ROBO2: variants seen among roughly 807,000 people sequenced by gnomAD.
ROBO2 encodes roundabout guidance receptor 2.
A neutral mutation model predicts 160.8 loss-of-function variants in ROBO2; 53 were observed. The ratio of observed to expected loss-of-function variants is 0.33; its 90% CI spans 0.26 to 0.41. ROBO2 has a LOEUF of 0.41. ROBO2 is among the 10% of genes least tolerant of loss of function. The probability of loss-of-function intolerance (pLI) is 1.00; values close to 1 mark genes in which losing one functional copy is unlikely to be tolerated. For synonymous variants in ROBO2, 664 were observed against 611.7 expected (o/e 1.09, Z -1.26); for missense variants, 1,577 against 1,722.4 (o/e 0.92, Z 1.49).
chr3:76,979,593 GGTGTGT>G (rs149940820), intron 2 of ROBO2, among the ~76,000 whole-genome samples: 5 of 147,732 alleles, frequency 3.4e-5, no homozygotes, highest in Admixed American at 6.8e-5. Flanking sequence ...GTGTGTGTGT[GGTGTGT>G]GTGTGTGTGT....
At chr3:77,286,162 G>C (rs1340349826) in intron 2 of ROBO2, among the ~76,000 whole-genome samples, 1 of 151,328 alleles carries the variant, frequency 6.6e-6, no homozygotes, top group East Asian at 2.0e-4. Context: ...TTCCATAAGT[G>C]AATCATGTAT....
intron 2 of ROBO2, among the ~76,000 whole-genome samples, chr3:76,137,943 A>G (rs1345195902): frequency 2.0e-5 from 3 of 152,018 alleles, no homozygotes; most frequent in Non-Finnish European, 4.4e-5. Flanking sequence ...ATCTCAAGTC[A>G]GTATTCTTAA....
chr3:76,626,715 C>T (rs71315351), intron 2 of ROBO2, among the ~76,000 whole-genome samples: 2,911 of 151,120 alleles, frequency 0.019, 45 homozygotes, highest in Non-Finnish European at 0.031. Context: ...TCTTTTGAGA[C>T]GGAGTCTCAC....
At chr3:77,531,319 A>C (rs536999707) in intron 6 of ROBO2, among the ~76,000 whole-genome samples, 1 of 152,174 alleles carries the variant, frequency 6.6e-6, no homozygotes, top group Non-Finnish European at 1.5e-5. Context: ...TAAGAAGTAC[A>C]CATGCTTTTT....
intron 2 of ROBO2, among the ~76,000 whole-genome samples, chr3:76,322,189 TATATATATATATATA>T (rs1454300807): frequency 1.1e-5 from 1 of 91,820 alleles, no homozygotes; most frequent in Non-Finnish European, 2.7e-5. Flanking sequence ...TATATATATA[TATATATATATATATA>T]ATATACACAC....
chr3:75,998,733 G>A (rs1352920278), intron 2 of ROBO2, among the ~76,000 whole-genome samples: 1 of 152,140 alleles, frequency 6.6e-6, no homozygotes, highest in Non-Finnish European at 1.5e-5. Flanking sequence ...AAATTCTAGT[G>A]GCTATTATAG....
At chr3:76,383,892 G>A (rs1434154803) in intron 2 of ROBO2, among the ~76,000 whole-genome samples, 1 of 152,200 alleles carries the variant, frequency 6.6e-6, no homozygotes, top group Non-Finnish European at 1.5e-5. Flanking sequence ...ATGCGTCAGG[G>A]AAATTTCCGT....
At chr3:77,648,864 G>T (rs1015394399) in exon 26 of ROBO2, 1 of 152,148 alleles carries the variant, frequency 6.6e-6, no homozygotes, top group Non-Finnish European at 1.5e-5. Flanking sequence ...ATGGAGGCCT[G>T]CATAAGGACT....
chr3:76,418,021 A>T (rs2075823915), intron 2 of ROBO2, among the ~76,000 whole-genome samples: 1 of 151,972 alleles, frequency 6.6e-6, no homozygotes, highest in African/African-American at 2.4e-5. Context: ...GAGGAGATAA[A>T]GCCAGTTAAG....
At chr3:76,812,777 A>G (rs1282141884) in intron 2 of ROBO2, among the ~76,000 whole-genome samples, 1 of 152,044 alleles carries the variant, frequency 6.6e-6, no homozygotes, top group Non-Finnish European at 1.5e-5. Context: ...TAAGAAATGC[A>G]ACTGTGAAAG....
At chr3:76,704,644 C>T (rs1316339451) in intron 2 of ROBO2, among the ~76,000 whole-genome samples, 2 of 152,068 alleles carry the variant, frequency 1.3e-5, no homozygotes, top group Admixed American at 6.6e-5. Context: ...GGATAAGGAA[C>T]CCACTACTGC....
At chr3:77,362,500 G>A (rs2070181392) in intron 2 of ROBO2, among the ~76,000 whole-genome samples, 1 of 152,106 alleles carries the variant, frequency 6.6e-6, no homozygotes, top group Non-Finnish European at 1.5e-5. Context: ...AGGTATCTGT[G>A]GTGGAGGATT....
At chr3:76,700,773 G>A (rs1315796017) in intron 2 of ROBO2, among the ~76,000 whole-genome samples, 1 of 152,060 alleles carries the variant, frequency 6.6e-6, no homozygotes, top group East Asian at 1.9e-4. Context: ...CCTTAAGGAG[G>A]ACTTTAAAAA....
At chr3:76,345,095 A>G (rs1014604473) in intron 2 of ROBO2, among the ~76,000 whole-genome samples, 2 of 152,146 alleles carry the variant, frequency 1.3e-5, no homozygotes, top group African/African-American at 4.8e-5. Flanking sequence ...TTTGAATATG[A>G]CAGAAGTCAG....
intron 2 of ROBO2, among the ~76,000 whole-genome samples, chr3:76,139,341 CA>C (rs1559584036): frequency 6.6e-6 from 1 of 151,924 alleles, no homozygotes; most frequent in Admixed American, 6.6e-5. Context: ...CCAACTAATA[CA>C]AAATGTACAA....
At chr3:76,712,214 C>G (rs191655697) in intron 2 of ROBO2, among the ~76,000 whole-genome samples, 3 of 152,156 alleles carry the variant, frequency 2.0e-5, no homozygotes, top group Admixed American at 2.0e-4. Context: ...TTGCAGAAAG[C>G]AAATCAATAG....
At chr3:77,572,498 CT>C (rs200678253) in intron 13 of ROBO2, among the ~76,000 whole-genome samples, 11,795 of 146,708 alleles carry the variant, frequency 0.08, 609 homozygotes, top group East Asian at 0.13. Flanking sequence ...CCTGGGCTCA[CT>C]TTTTTTTTTT....
At chr3:77,304,446 G>A (rs1327827922) in intron 2 of ROBO2, among the ~76,000 whole-genome samples, 1 of 152,150 alleles carries the variant, frequency 6.6e-6, no homozygotes, top group Non-Finnish European at 1.5e-5. Context: ...TCGGCCACAT[G>A]AAGTGAGAGC....
chr3:76,856,694 A>G (rs2070125200), intron 2 of ROBO2, among the ~76,000 whole-genome samples: 1 of 152,204 alleles, frequency 6.6e-6, no homozygotes, highest in African/African-American at 2.4e-5. Flanking sequence ...GTTCTCAGGT[A>G]ATGATGATGG....
Sources: allele counts gnomAD v4.1 joint callset (sites outside exome capture counted in the v4.1 genomes callset), GRCh38; gene constraint gnomAD v4.1.1; transcripts MANE v1.5; gene names NCBI Gene and HGNC (gene_info 2026-07-23, HGNC 2026-07-21).